Variants in PRKN observed in about 807,000 individuals in gnomAD.
The protein encoded by PRKN is E3 ubiquitin-protein ligase parkin.
In PRKN, 56 loss-of-function variants were observed where a neutral mutation model predicts 59.5. The ratio of observed to expected loss-of-function variants is 0.94; its 90% CI spans 0.76 to 1.18. PRKN has a LOEUF of 1.18. PRKN is among the 50% of genes most tolerant of loss of function. The probability of loss-of-function intolerance (pLI) is 0.00; values close to 1 mark genes in which losing one functional copy is unlikely to be tolerated. For synonymous variants in PRKN, 250 were observed against 222.1 expected (o/e 1.13, Z -1.12); for missense variants, 657 against 596.4 (o/e 1.10, Z -1.06).
chr6:161,902,528 A>C (rs1455220738), intron 6 of PRKN, among the ~76,000 whole-genome samples: 2 of 84,464 alleles, frequency 2.4e-5, no homozygotes, highest in African/African-American at 8.8e-5. Flanking sequence ...ACATCCGTCT[A>C]TCTATCTATC....
At chr6:161,370,174 A>G (rs1406814625) in intron 10 of PRKN, among the ~76,000 whole-genome samples, 1 of 152,050 alleles carries the variant, frequency 6.6e-6, no homozygotes, top group East Asian at 1.9e-4. Flanking sequence ...CAGGAGGAAC[A>G]CTTGAGTCTA....
At chr6:162,021,461 A>ATATATATATTTTTTT (rs59250759) in intron 5 of PRKN, among the ~76,000 whole-genome samples, 2 of 24,666 alleles carry the variant, frequency 8.1e-5, no homozygotes, top group African/African-American at 1.8e-4. Flanking sequence ...ATATATATAT[A>ATATATATATTTTTTT]TTTTTTTTTT....
chr6:162,611,917 G>A (rs1030022905), intron 1 of PRKN, among the ~76,000 whole-genome samples: 11 of 152,192 alleles, frequency 7.2e-5, no homozygotes, highest in Middle Eastern at 3.4e-3. Flanking sequence ...GGGGCGTGGT[G>A]GCTCACGCCT....
rs1790556306 is a variant in PRKN, at chr6:161,467,786, A to G, written c.1084-80909T>C. On this transcript the variant is annotated intron_variant, in intron 9 of 11. Coordinates refer to ENST00000366898, the MANE Select transcript of PRKN (RefSeq NM_004562.3). This position sits in a 1 kb window ranked among gnomAD's most constrained non-coding sequence, Gnocchi z 4.3. ...AGCCTTGCTTGCATTAGGGCTGATC[A>G]GTGAGCTGTGAGTAGAGGGTTTCCT... is the stretch of plus-strand genomic sequence containing the variant. Among the ~76,000 whole-genome samples the G allele has an allele frequency of 6.6e-6, 1 of 152,116 alleles. No individual in the cohort carries two copies. The highest frequency in any genetic ancestry group is 2.4e-5 in the African/African-American group (1 of 41,416).
rs374499768 is a variant in PRKN, at chr6:162,684,868, A to G, written c.7+42794T>C. On this transcript the variant is annotated intron_variant, in intron 1 of 11. Transcript: ENST00000366898. ...ATCTGTAAAATATACAAATAAGGGA[A>G]TAAGTATTCATTTAACTAAAAGGTG... is the stretch of plus-strand genomic sequence containing the variant. Among the ~76,000 whole-genome samples, 17 of 152,364 alleles carry G rather than the reference A, an allele frequency of 1.1e-4. No homozygotes were observed. The South Asian group carries it at 3.3e-3, about 30-fold the overall frequency.
chr6:162,589,503 C>CT (rs201978059), intron 1 of PRKN, among the ~76,000 whole-genome samples: 10 of 151,346 alleles, frequency 6.6e-5, no homozygotes, highest in East Asian at 3.9e-4. Context: ...CATAAGTACA[C>CT]TTTTTTTTTG....
chr6:162,663,826 G>A (rs1410751535), intron 1 of PRKN, among the ~76,000 whole-genome samples: 1 of 152,124 alleles, frequency 6.6e-6, no homozygotes, highest in East Asian at 1.9e-4. Flanking sequence ...TGGATGGGGA[G>A]AATGTAGCTG....
chr6:161,858,651 A>G (rs1212817359), intron 6 of PRKN, among the ~76,000 whole-genome samples: 1 of 151,858 alleles, frequency 6.6e-6, no homozygotes, highest in Non-Finnish European at 1.5e-5. Flanking sequence ...AGCCTGCAAC[A>G]GCATTCTCTT....
At chr6:162,549,585 C>T (rs1315428133) in intron 1 of PRKN, among the ~76,000 whole-genome samples, 2 of 151,438 alleles carry the variant, frequency 1.3e-5, no homozygotes, top group African/African-American at 4.9e-5. Context: ...GAGTAGATAA[C>T]AGCCTAGCAG....
intron 1 of PRKN, among the ~76,000 whole-genome samples, chr6:162,447,709 G>A (rs13202259): frequency 0.46 from 69,350 of 151,690 alleles, 16,333 homozygotes; most frequent in East Asian, 0.59. Flanking sequence ...CATAAATATA[G>A]TAGTCAATAT....
rs146899410 is a variant in PRKN, at chr6:162,236,591, G to C, written c.412+25934C>G. 3.7e-3 allele frequency among the ~76,000 whole-genome samples: 565 copies of C among 150,732 alleles called. 2 individuals are homozygous for C. The highest frequency in any genetic ancestry group is 4.6e-3 in the Non-Finnish European group (315 of 67,840). On this transcript the variant is annotated intron_variant, in intron 3 of 11. Transcript: ENST00000366898. Reference sequence around the variant, plus strand: ...ACTGGAGGTCAGGAGTTTGAAACCAGCCTGGCCAACATGGTGAAACTCCAT... The same window carrying C: ...ACTGGAGGTCAGGAGTTTGAAACCACCCTGGCCAACATGGTGAAACTCCAT...
chr6:162,507,724 G>A (rs978882879), intron 1 of PRKN, among the ~76,000 whole-genome samples: 1 of 152,098 alleles, frequency 6.6e-6, no homozygotes, highest in Non-Finnish European at 1.5e-5. Context: ...GTGATCATTT[G>A]ATCTATGTCT....
chr6:161,769,493 A>T (rs889042903), intron 7 of PRKN, among the ~76,000 whole-genome samples: 1 of 152,266 alleles, frequency 6.6e-6, no homozygotes, highest in South Asian at 2.1e-4. Flanking sequence ...CTGGGCTCCC[A>T]GTACCCCTAG....
chr6:161,759,761 C>A (rs1562662017), intron 7 of PRKN, among the ~76,000 whole-genome samples: 2 of 152,140 alleles, frequency 1.3e-5, no homozygotes, highest in Admixed American at 1.3e-4. Flanking sequence ...GGTTGTACAG[C>A]CAATGGTCAC....
intron 6 of PRKN, among the ~76,000 whole-genome samples, chr6:161,878,121 G>C (rs961716351): frequency 6.6e-6 from 1 of 152,174 alleles, no homozygotes; most frequent in African/African-American, 2.4e-5. Context: ...GAAGCTAGTG[G>C]CTCGGAATGG....
At chr6:162,323,035 C>T (rs1783096916) in intron 2 of PRKN, among the ~76,000 whole-genome samples, 1 of 130,626 alleles carries the variant, frequency 7.7e-6, no homozygotes, top group Non-Finnish European at 1.5e-5. Flanking sequence ...ATCACATGGA[C>T]ACAGGCAGGG....
rs1028611108 is a variant in PRKN at position 161,359,581 on chromosome 6, A to C, written c.1285+507T>G. Among the ~76,000 whole-genome samples, 6 of 152,208 alleles carry C rather than the reference A, an allele frequency of 3.9e-5. No homozygotes were observed. The highest frequency in any genetic ancestry group is 1.2e-4 in the African/African-American group (5 of 41,452). ...GCCCTGAGTGGCATGTCCAGGATAG[A>C]CAGCAGGAAGTCCCCCACTGGTACT... On this transcript the variant is annotated intron_variant, in intron 11 of 11. Transcript: ENST00000366898. This position sits in a 1 kb window ranked among gnomAD's most constrained non-coding sequence, Gnocchi z 5.4.
Position 162,419,144 on chromosome 6 carries a change from G to A in PRKN, c.171+24166C>T, listed in dbSNP as rs528736967. Among the ~76,000 whole-genome samples the A allele has an allele frequency of 6.6e-5, 10 of 152,088 alleles. No individual in the cohort carries two copies. The East Asian group carries it at 9.8e-4, about 15-fold the overall frequency. Reference sequence around the variant, plus strand: ...CTTCGACGTTCGTATTATTGTCTTGGCTTGGATGTTCTAATTACATCCTTA... The same window carrying A: ...CTTCGACGTTCGTATTATTGTCTTGACTTGGATGTTCTAATTACATCCTTA... On this transcript the variant is annotated intron_variant, in intron 2 of 11. Coordinates refer to ENST00000366898, the MANE Select transcript of PRKN (RefSeq NM_004562.3).
intron 9 of PRKN, among the ~76,000 whole-genome samples, chr6:161,513,946 A>G (rs148302174): frequency 3.3e-5 from 5 of 152,304 alleles, no homozygotes; most frequent in African/African-American, 1.2e-4. Context: ...GAGACAACCA[A>G]CGTGCCAGCA....
Sources: allele counts gnomAD v4.1 joint callset (sites outside exome capture counted in the v4.1 genomes callset), GRCh38; gene constraint gnomAD v4.1.1; non-coding constraint Gnocchi (gnomAD v3.1); transcripts MANE v1.5; gene names NCBI Gene and HGNC (gene_info 2026-07-23, HGNC 2026-07-21).